The following BAIAP2L1 variants were observed in gnomAD, a reference collection of about 807,000 sequenced individuals.
The protein encoded by BAIAP2L1 is BAR/IMD domain-containing adapter protein 2-like 1.
Under a neutral mutation model 66.3 loss-of-function variants are expected in BAIAP2L1, and 35 were observed. That is an observed-to-expected ratio of 0.53 (90% CI 0.40 to 0.70). The LOEUF is 0.70. Ranked by LOEUF, BAIAP2L1 falls within the 30% of genes least tolerant of loss-of-function variation. The pLI, the probability that BAIAP2L1 is intolerant of heterozygous loss-of-function variation, is 0.00. For synonymous variants in BAIAP2L1, 269 were observed against 248.7 expected (o/e 1.08, Z -0.77); for missense variants, 622 against 656.9 (o/e 0.95, Z 0.58).
chr7:98,301,923 A>C (rs1176487218), intron 12 of BAIAP2L1, among the ~76,000 whole-genome samples: 1 of 152,124 alleles, frequency 6.6e-6, no homozygotes, highest in Non-Finnish European at 1.5e-5. Context: ...CACCCCCTGC[A>C]GGCAGCCCCA....
chr7:98,382,543 G>A (rs1409623889), intron 1 of BAIAP2L1, among the ~76,000 whole-genome samples: 2 of 152,032 alleles, frequency 1.3e-5, no homozygotes, highest in African/African-American at 2.4e-5. Context: ...CTAGACAAAG[G>A]TTTTACATTT....
In BAIAP2L1 at chr7:98,293,083, C is replaced by T. The variant is rs1416040498; in HGVS notation, c.*438G>A. 1 of 580,604 alleles carries T rather than the reference C, an allele frequency of 1.7e-6. No individual in the cohort carries two copies. Among genetic ancestry groups the T allele is most frequent in the African/African-American group, 2.0e-5 (1 of 50,524 alleles). The allele number at this position is 580,604 out of a possible 1,614,324, so 36.0% of individuals were successfully genotyped here. ...TATGATTTGCATGCTAAGATGCAAACTTACGTGATATCTTCTTTAGACATA... is the reference window on the plus strand; with the variant it reads ...TATGATTTGCATGCTAAGATGCAAATTTACGTGATATCTTCTTTAGACATA... On this transcript the variant is annotated 3_prime_UTR_variant, in exon 14 of 14. Coordinates refer to ENST00000005260, the MANE Select transcript of BAIAP2L1 (RefSeq NM_018842.5).
chr7:98,347,711 C>G (rs1259195924), intron 3 of BAIAP2L1, among the ~76,000 whole-genome samples: 2 of 151,692 alleles, frequency 1.3e-5, no homozygotes, highest in Non-Finnish European at 2.9e-5. Flanking sequence ...GGAAGCGGAG[C>G]GTGCAGTGAG....
chr7:98,298,622 C>CA (rs949069361), intron 12 of BAIAP2L1, among the ~76,000 whole-genome samples: 5 of 151,510 alleles, frequency 3.3e-5, no homozygotes, highest in African/African-American at 9.7e-5. Context: ...CAAAACAAAA[C>CA]AAAAAAAACA....
In BAIAP2L1 at chr7:98,292,611, C is replaced by T. The variant is rs1409664760; in HGVS notation, c.*910G>A. The stretch of plus-strand genomic sequence containing the variant: ...CCAGGTTCCGAGGGCATCATGGCTG[C>T]TAGGCTGAAAAACCCGCCCTTCTCC... On this transcript the variant is annotated 3_prime_UTR_variant, in exon 14 of 14. Coordinates refer to ENST00000005260, the MANE Select transcript of BAIAP2L1 (RefSeq NM_018842.5). 1.3e-6 allele frequency: 2 copies of T among 1,550,590 alleles called. No individual in the cohort carries two copies. Among genetic ancestry groups the T allele is most frequent in the Non-Finnish European group, 1.7e-6 (2 of 1,146,148 alleles).
At chr7:98,318,900 T>A (rs1801159335) in intron 5 of BAIAP2L1, among the ~76,000 whole-genome samples, 1 of 146,566 alleles carries the variant, frequency 6.8e-6, no homozygotes, top group Non-Finnish European at 1.5e-5. Context: ...GCCCCGAGAT[T>A]GCGCCACTGC....
chr7:98,317,838 G>A (rs887052885), intron 5 of BAIAP2L1, among the ~76,000 whole-genome samples: 4 of 147,972 alleles, frequency 2.7e-5, no homozygotes, highest in African/African-American at 7.6e-5. Context: ...TCACCCCGTA[G>A]TTCACACCAT....
rs529179441 is a variant in BAIAP2L1 at position 98,353,485 on chromosome 7, TATAA to T, written c.214+1553_214+1556del. Reference sequence around the variant, plus strand: ...ATATTATAAATATACATATTTACATTATAAATACACATATATTTATATTATAAAT... The same window carrying T: ...ATATTATAAATATACATATTTACATTATACACATATATTTATATTATAAAT... On this transcript the variant is annotated intron_variant, in intron 3 of 13. Transcript: ENST00000005260. Among the ~76,000 whole-genome samples the T allele has an allele frequency of 7.6e-5, 10 of 132,358 alleles. 1 individual carries two copies. The South Asian group carries it at 2.2e-3, about 29-fold the overall frequency. The allele number at this position is 132,358 out of a possible 152,430, so 86.8% of individuals were successfully genotyped here.
At chr7:98,394,124 T>C (rs962482253) in intron 1 of BAIAP2L1, among the ~76,000 whole-genome samples, 3 of 151,872 alleles carry the variant, frequency 2.0e-5, no homozygotes, top group African/African-American at 7.3e-5. Context: ...GCGCCTGTAG[T>C]CCCAGCTACT....
At chr7:98,365,194 C>T (rs116692278) in intron 1 of BAIAP2L1, among the ~76,000 whole-genome samples, 2,993 of 151,666 alleles carry the variant, frequency 0.02, 104 homozygotes, top group African/African-American at 0.069. Context: ...TTTATTTTAC[C>T]GGACACTCAG....
chr7:98,328,225 C>T (rs533462714), intron 3 of BAIAP2L1, among the ~76,000 whole-genome samples: 3 of 152,030 alleles, frequency 2.0e-5, no homozygotes, highest in South Asian at 2.1e-4. Context: ...CTGAGGAGGC[C>T]GGAGAAGGGC....
At chr7:98,368,972 T>A (rs1216064031) in intron 1 of BAIAP2L1, among the ~76,000 whole-genome samples, 2 of 151,954 alleles carry the variant, frequency 1.3e-5, no homozygotes, top group African/African-American at 4.8e-5. Context: ...TTCGTATCTC[T>A]AGGATAACCT....
intron 5 of BAIAP2L1, 84 bp from the exon 6 acceptor site, chr7:98,317,440 G>A: frequency 6.4e-7 from 1 of 1,550,756 alleles, no homozygotes; most frequent in Non-Finnish European, 8.8e-7. Flanking sequence ...CTTCCACTGT[G>A]TGTGGCTCAA....
At chr7:98,349,136 C>G (rs940749732) in intron 3 of BAIAP2L1, among the ~76,000 whole-genome samples, 1 of 152,168 alleles carries the variant, frequency 6.6e-6, no homozygotes, top group Non-Finnish European at 1.5e-5. Flanking sequence ...TGTGGTTGCC[C>G]ATGGAGGTTA....
At chr7:98,351,463 T>C (rs781448946) in intron 3 of BAIAP2L1, among the ~76,000 whole-genome samples, 17 of 152,052 alleles carry the variant, frequency 1.1e-4, no homozygotes, top group Non-Finnish European at 1.9e-4. Context: ...CCTGGGAGTG[T>C]GATCTAAATT....
At chr7:98,386,320 C>T (rs1450603156) in intron 1 of BAIAP2L1, 1 of 1,594,518 alleles carries the variant, frequency 6.3e-7, no homozygotes, top group Non-Finnish European at 8.5e-7. Context: ...TGAACATCTT[C>T]AGTAATCAGC....
At chr7:98,330,224 C>T (rs1379243932) in intron 3 of BAIAP2L1, among the ~76,000 whole-genome samples, 1 of 152,144 alleles carries the variant, frequency 6.6e-6, no homozygotes, top group Non-Finnish European at 1.5e-5. Flanking sequence ...TAACCACCAC[C>T]ATGACTAATA....
chr7:98,362,285 C>T, intron 2 of BAIAP2L1, 72 bp downstream of exon 2: 2 of 1,203,120 alleles, frequency 1.7e-6, no homozygotes, highest in East Asian at 4.7e-5. Context: ...AAATTCAATA[C>T]TAAGCATTTA....
intron 1 of BAIAP2L1, among the ~76,000 whole-genome samples, chr7:98,394,009 G>A (rs1253290816): frequency 1.3e-5 from 2 of 152,006 alleles, no homozygotes; most frequent in Admixed American, 1.3e-4. Flanking sequence ...GGAGGCCAAG[G>A]TAGGCAGGCA....
Sources: gnomAD v4.1 joint callset for allele counts (sites outside exome capture counted in the v4.1 genomes callset) on GRCh38, gnomAD v4.1.1 for gene constraint, MANE v1.5 for transcripts, NCBI Gene and HGNC (gene_info 2026-07-23, HGNC 2026-07-21) for gene names.